Variants in IFT122 observed in about 807,000 individuals in gnomAD.
IFT122 encodes the protein intraflagellar transport 122, also known as intraflagellar transport protein 122 homolog.
A neutral mutation model predicts 161.6 loss-of-function variants in IFT122; 118 were observed. The ratio of observed to expected loss-of-function variants is 0.73; its 90% CI spans 0.63 to 0.85. IFT122 has a LOEUF of 0.85. IFT122 is among the 40% of genes least tolerant of loss of function. The probability of loss-of-function intolerance (pLI) is 0.00; values close to 1 mark genes in which losing one functional copy is unlikely to be tolerated. For missense variants in IFT122, 1,381 were observed against 1,579.6 expected, an observed-to-expected ratio of 0.87 and a Z score of 2.13; for synonymous variants, 550 against 602.4, an observed-to-expected ratio of 0.91 and a Z score of 1.27.
At chr3:129,455,756 T>C (rs1002289789) in intron 3 of IFT122, among the ~76,000 whole-genome samples, 6 of 152,054 alleles carry the variant, frequency 3.9e-5, no homozygotes, top group African/African-American at 1.4e-4. Flanking sequence ...ATTTTTAATA[T>C]TATATGTATT....
chr3:129,504,310 T>C lies in IFT122; in HGVS notation c.2548-9T>C, dbSNP rs1338455616. 6.2e-7 allele frequency: 1 copy of C among 1,610,534 alleles called. No individual in the cohort carries two copies. The highest frequency in any genetic ancestry group is 8.5e-7 in the Non-Finnish European group (1 of 1,176,960). ...GCTTTATTAAGACTTCATTTGCTCC[T>C]TCCCCCAGGCCTTTGCTTTGGGTGA... On this transcript the variant is annotated splice_polypyrimidine_tract_variant and intron_variant, in intron 20 of 29. Coordinates refer to ENST00000348417, the MANE Select transcript of IFT122 (RefSeq NM_052989.3).
chr3:129,486,546 G>A (rs796388316), intron 15 of IFT122, among the ~76,000 whole-genome samples: 4 of 152,320 alleles, frequency 2.6e-5, no homozygotes, highest in African/African-American at 9.6e-5. Flanking sequence ...GCTTTCAGGA[G>A]TTTGAGAAAG....
At chr3:129,516,729 GA>G (rs2083803886) in intron 26 of IFT122, among the ~76,000 whole-genome samples, 1 of 91,324 alleles carries the variant, frequency 1.1e-5, no homozygotes, top group Non-Finnish European at 2.0e-5. Flanking sequence ...CACACACAGA[GA>G]GACTGCCCCT....
Position 129,479,662 on chromosome 3 carries a change from TTAGA to T in IFT122, c.1351-117_1351-114del. The T allele has an allele frequency of 2.4e-6, 3 of 1,225,254 alleles. No homozygotes were observed. The South Asian group carries it at 3.7e-5, about 15-fold the overall frequency. The allele number at this position is 1,225,254 out of a possible 1,614,324, so 75.9% of individuals were successfully genotyped here. A position where few individuals can be genotyped will look rare whatever the true frequency, so the allele number is the denominator to read the frequency against. ...TGCCAATCGTGGGGTCTACATTGGGTTAGATAGATGGATACTGAATGTGTAGGTA... is the reference window on the plus strand; with the variant it reads ...TGCCAATCGTGGGGTCTACATTGGGTTAGATGGATACTGAATGTGTAGGTA... On this transcript the variant is annotated intron_variant, in intron 12 of 29. Transcript: ENST00000348417.
chr3:129,456,232 A>G, intron 3 of IFT122: 3 of 1,285,386 alleles, frequency 2.3e-6, no homozygotes, highest in South Asian at 2.5e-5. Context: ...ATCACCTGCT[A>G]CCTACCAGGA....
In IFT122 at chr3:129,483,480, C is replaced by G; in HGVS notation, c.1654-5C>G. The G allele has an allele frequency of 6.2e-7, 1 of 1,613,828 alleles. No individual in the cohort carries two copies. Among genetic ancestry groups the G allele is most frequent in the Non-Finnish European group, 8.5e-7 (1 of 1,179,912 alleles). The stretch of plus-strand genomic sequence containing the variant: ...CACAGGATCCCCACTGTCCCTGTTC[C>G]CCAGGAACCAAACGCCAACAGTGTA... On this transcript the variant is annotated splice_region_variant and splice_polypyrimidine_tract_variant and intron_variant, in intron 14 of 29. Coordinates refer to ENST00000348417, the MANE Select transcript of IFT122 (RefSeq NM_052989.3).
intron 3 of IFT122, among the ~76,000 whole-genome samples, chr3:129,453,888 A>T (rs1243346187): frequency 6.6e-6 from 1 of 152,016 alleles, no homozygotes; most frequent in East Asian, 1.9e-4. Context: ...GTGAGTTCCA[A>T]CCCCAACCCA....
At chr3:129,502,259 T>C (rs2081643796) in intron 19 of IFT122, among the ~76,000 whole-genome samples, 1 of 152,248 alleles carries the variant, frequency 6.6e-6, no homozygotes, top group African/African-American at 2.4e-5. Flanking sequence ...TGAGAATTCC[T>C]GCACCCGTGG....
In IFT122 at chr3:129,519,603, C is replaced by T; in HGVS notation, c.3507C>T (p.Ser1169=). ...CAGAGTTCGTGCCAGTGGTGGTGAG[C>T]CGGCTGGTGCTGCGCTCCATGAGCC... ...GGSEFVPVVV[S]RLVLRSMSRR... is the part of the protein sequence containing the mutation. The change falls in exon 29 of 30, where the codon AGC becomes AGT. Residue 1169 remains serine, a synonymous_variant. Coordinates refer to ENST00000348417, the MANE Select transcript of IFT122 (RefSeq NM_052989.3). The T allele has an allele frequency of 6.2e-7, 1 of 1,613,548 alleles. No individual in the cohort carries two copies. The highest frequency in any genetic ancestry group is 8.5e-7 in the Non-Finnish European group (1 of 1,180,016).
intron 3 of IFT122, among the ~76,000 whole-genome samples, chr3:129,454,781 T>C (rs1420752770): frequency 1.3e-5 from 2 of 152,118 alleles, no homozygotes; most frequent in Non-Finnish European, 2.9e-5. Flanking sequence ...ATTAGGGCAC[T>C]TGAGGATGTC....
At chr3:129,499,764 C>G (rs1313747399) in intron 18 of IFT122, 138 bp from the exon 19 acceptor site, 3 of 992,652 alleles carry the variant, frequency 3.0e-6, no homozygotes, top group African/African-American at 1.6e-5. Flanking sequence ...AACTCAGCCC[C>G]TCAGGGCCGG....
chr3:129,519,760 G>A (rs758174828), intron 29 of IFT122, 28 bp downstream of exon 29: 5 of 1,612,282 alleles, frequency 3.1e-6, no homozygotes, highest in Non-Finnish European at 4.2e-6. Context: ...TAGCTCACAT[G>A]TGCTTCTCTT....
intron 5 of IFT122, among the ~76,000 whole-genome samples, chr3:129,462,229 G>A (rs1468601974): frequency 6.6e-6 from 1 of 152,118 alleles, no homozygotes; most frequent in Non-Finnish European, 1.5e-5. Flanking sequence ...GCTTACACTG[G>A]AATATTAAAA....
Position 129,476,742 on chromosome 3 carries a change from A to G in IFT122, c.1088A>G (p.Tyr363Cys), listed in dbSNP as rs1033493401. 4 of 1,614,238 alleles carry G rather than the reference A, an allele frequency of 2.5e-6. No homozygotes were observed. The highest frequency in any genetic ancestry group is 2.2e-5 in the East Asian group (1 of 44,886). The change falls in exon 11 of 30, where the codon TAT becomes TGT. Residue 363 changes from tyrosine to cysteine, a missense_variant. This residue lies in a region of IFT122 where 544 missense variants were observed against 648.0 expected (regional missense o/e 0.84). Coordinates refer to ENST00000348417, the MANE Select transcript of IFT122 (RefSeq NM_052989.3). Reference protein sequence around the residue: ...STVHGLYKDRYAYRDSMTDVI... With the variant: ...STVHGLYKDRCAYRDSMTDVI... ...GTCCATGGGCTTTACAAGGACCGCTATGCCTACAGGGATAGCATGACTGAC... is the reference window on the plus strand; with the variant it reads ...GTCCATGGGCTTTACAAGGACCGCTGTGCCTACAGGGATAGCATGACTGAC...
chr3:129,487,948 G>C, intron 15 of IFT122: 1 of 456,310 alleles, frequency 2.2e-6, no homozygotes, highest in South Asian at 2.1e-5. Context: ...GAGGCAGAGT[G>C]GGGAGGGGCA....
intron 3 of IFT122, among the ~76,000 whole-genome samples, chr3:129,457,422 C>T (rs1173446884): frequency 6.6e-6 from 1 of 152,216 alleles, no homozygotes; most frequent in African/African-American, 2.4e-5. Flanking sequence ...TCCCTCCGTT[C>T]CATGATGACT....
intron 27 of IFT122, among the ~76,000 whole-genome samples, chr3:129,518,838 ACCCGCAGTGGCTCACAGGG>A (rs1379029532): frequency 6.6e-6 from 1 of 152,062 alleles, no homozygotes; most frequent in Non-Finnish European, 1.5e-5. Context: ...CTCCGTGCCT[ACCCGCAGTGGCTCACAGGG>A]CCCGCATGTG....
At chr3:129,516,572 CACACACA>C (rs2108681289) in intron 26 of IFT122, among the ~76,000 whole-genome samples, 1 of 140,896 alleles carries the variant, frequency 7.1e-6, no homozygotes, top group Admixed American at 7.1e-5. Context: ...TGCACACACA[CACACACA>C]GAGAGACTGC....
intron 5 of IFT122, among the ~76,000 whole-genome samples, chr3:129,462,317 T>C (rs1004424268): frequency 6.6e-6 from 1 of 152,228 alleles, no homozygotes; most frequent in Non-Finnish European, 1.5e-5. Context: ...TAATATTAAG[T>C]ACTAGTATTT....
Sources: gnomAD v4.1 joint callset for allele counts (sites outside exome capture counted in the v4.1 genomes callset) on GRCh38, gnomAD v4.1.1 for gene constraint, gnomAD v4.1.1 regional missense constraint, MANE v1.5 for transcripts, NCBI Gene and HGNC (gene_info 2026-07-23, HGNC 2026-07-21) for gene names.